The following ZNF43 variants were observed in gnomAD, a reference collection of about 807,000 sequenced individuals.
ZNF43 encodes the protein zinc finger protein 39-like 1 (KOX 27).
A neutral mutation model predicts 68.4 loss-of-function variants in ZNF43; 44 were observed. The ratio of observed to expected loss-of-function variants is 0.64; its 90% CI spans 0.51 to 0.83. The LOEUF (loss-of-function observed/expected upper bound fraction) is 0.83. Among genes scored for constraint, ZNF43 ranks in the 40% least tolerant of loss-of-function variants. The probability of loss-of-function intolerance (pLI) is 0.00; values close to 1 mark genes in which losing one functional copy is unlikely to be tolerated. For synonymous variants in ZNF43, 308 were observed against 307.8 expected (o/e 1.00, Z -0.01); for missense variants, 896 against 933.2 (o/e 0.96, Z 0.52).
intron 1 of ZNF43, among the ~76,000 whole-genome samples, chr19:21,827,506 C>T (rs918945393): frequency 2.6e-5 from 4 of 151,570 alleles, no homozygotes; most frequent in Admixed American, 1.3e-4. Flanking sequence ...GGATTACAGG[C>T]ATGCACCACC....
chr19:21,820,215 TA>T (rs1287836459), intron 1 of ZNF43, among the ~76,000 whole-genome samples: 30 of 137,812 alleles, frequency 2.2e-4, no homozygotes, highest in African/African-American at 9.0e-4. Flanking sequence ...ATAATAATAA[TA>T]ATATATATAT....
chr19:21,808,911 C>G lies in ZNF43; in HGVS notation c.1126G>C (p.Gly376Arg), dbSNP rs780829847. The change falls in exon 4 of 4, where the codon GGT (glycine) becomes CGT (arginine). Residue 376 changes from glycine (G) to arginine (R), a missense_variant. Gly to Arg is a moderately radical substitution (Grantham distance 125). Coordinates refer to ENST00000354959, the MANE Select transcript of ZNF43 (RefSeq NM_003423.4). ...AEKFYKCTEC[G>R]EAFSRSSNLT... ...TTTGAGGACCGGCTAAAAGCTTCAC[C>G]ACATTCTGTACATTTATAGAATTTC... 4 of 1,613,570 alleles carry G rather than the reference C, an allele frequency of 2.5e-6. No individual in the cohort carries two copies. In the South Asian group the frequency reaches 4.4e-5, roughly 18 times the overall value.
chr19:21,810,011 G>C (rs562685917), intron 3 of ZNF43, among the ~76,000 whole-genome samples: 4 of 152,162 alleles, frequency 2.6e-5, no homozygotes, highest in African/African-American at 9.6e-5. Context: ...TGTGTGCAGT[G>C]CCCCAGGTGA....
chr19:21,848,494 C>T (rs773551373), intron 1 of ZNF43, among the ~76,000 whole-genome samples: 12 of 152,080 alleles, frequency 7.9e-5, no homozygotes, highest in Non-Finnish European at 1.5e-4. Flanking sequence ...TATGGCACAA[C>T]ATGTAGGGCA....
At chr19:21,843,351 T>C (rs1412189208) in intron 1 of ZNF43, 20 of 985,114 alleles carry the variant, frequency 2.0e-5, no homozygotes, top group African/African-American at 7.0e-5. Context: ...AGAAATCAGA[T>C]AAAACAGTTC....
intron 1 of ZNF43, among the ~76,000 whole-genome samples, chr19:21,819,982 TG>T (rs552817559): frequency 6.6e-6 from 1 of 151,188 alleles, no homozygotes; most frequent in African/African-American, 2.4e-5. Context: ...GTGGATCACC[TG>T]AGGTCAGGAG....
At chr19:21,817,212 G>A (rs531633756) in intron 3 of ZNF43, among the ~76,000 whole-genome samples, 32 of 148,520 alleles carry the variant, frequency 2.2e-4, no homozygotes, top group African/African-American at 7.5e-4. Context: ...GACAGAGCAA[G>A]CCTCTGTCTT....
chr19:21,825,379 T>C (rs774689633), intron 1 of ZNF43, among the ~76,000 whole-genome samples: 40 of 152,226 alleles, frequency 2.6e-4, no homozygotes, highest in Non-Finnish European at 3.5e-4. Flanking sequence ...ATTAGTTTAG[T>C]TTATAGCTAC....
chr19:21,808,297 G>A lies in ZNF43; in HGVS notation c.1740C>T (p.Asn580=), dbSNP rs1568339904. 2 of 1,613,192 alleles carry A rather than the reference G, an allele frequency of 1.2e-6. No individual in the cohort carries two copies. Among genetic ancestry groups the A allele is most frequent in the Non-Finnish European group, 8.5e-7 (1 of 1,179,790 alleles). The change falls in exon 4 of 4, where the codon AAC becomes AAT. Residue 580 remains asparagine, a synonymous_variant. Transcript: ENST00000354959. ...TATGAATTTTCTTATGTGTAGTAAG[G>A]TTTGAGGATTGGGTAAAAGCTTTGC... ...ECGKAFTQSS[N]LTTHKKIHTG...
intron 3 of ZNF43, among the ~76,000 whole-genome samples, chr19:21,810,813 G>A (rs1333629440): frequency 6.6e-6 from 1 of 152,066 alleles, no homozygotes; most frequent in Non-Finnish European, 1.5e-5. Context: ...AGCCAGGGAT[G>A]GTAGTGCATG....
chr19:21,833,897 C>T (rs1349751998), intron 1 of ZNF43, among the ~76,000 whole-genome samples: 4 of 151,808 alleles, frequency 2.6e-5, no homozygotes, highest in Admixed American at 2.6e-4. Context: ...CGTGGTAGTG[C>T]ATCCCTGTAG....
intron 1 of ZNF43, among the ~76,000 whole-genome samples, chr19:21,834,696 T>A (rs1028740372): frequency 6.7e-6 from 1 of 149,424 alleles, no homozygotes; most frequent in Non-Finnish European, 1.5e-5. Flanking sequence ...GAGGTTGCAA[T>A]GAGCTGAGAT....
intron 1 of ZNF43, among the ~76,000 whole-genome samples, chr19:21,846,554 C>T (rs1967967477): frequency 6.6e-6 from 1 of 152,050 alleles, no homozygotes; most frequent in African/African-American, 2.4e-5. Context: ...AGGCAGGAAA[C>T]TCACATCACT....
At chr19:21,812,481 C>A (rs1165668332) in intron 3 of ZNF43, among the ~76,000 whole-genome samples, 1 of 151,464 alleles carries the variant, frequency 6.6e-6, no homozygotes, top group Non-Finnish European at 1.5e-5. Flanking sequence ...AATAATTGAA[C>A]TAAATTTTTA....
chr19:21,810,750 C>T (rs1417125223), intron 3 of ZNF43, among the ~76,000 whole-genome samples: 1 of 151,976 alleles, frequency 6.6e-6, no homozygotes, highest in Non-Finnish European at 1.5e-5. Context: ...AAGTTTGAGA[C>T]CAGCCAGGGC....
intron 3 of ZNF43, among the ~76,000 whole-genome samples, chr19:21,814,234 CAT>C (rs2037414033): frequency 6.6e-6 from 1 of 151,876 alleles, no homozygotes; most frequent in Non-Finnish European, 1.5e-5. Context: ...TCATTAAACA[CAT>C]GGTGAAAATA....
chr19:21,827,377 T>TC (rs1311584307), intron 1 of ZNF43: 30 of 152,164 alleles, frequency 2.0e-4, no homozygotes, highest in Admixed American at 2.0e-3. Flanking sequence ...TTTTTTTTTT[T>TC]TGAAATGAAG....
rs537134583 is a variant in ZNF43 at position 21,819,280 on chromosome 19, G to A, written c.4-59C>T. The A allele has an allele frequency of 1.2e-5, 18 of 1,482,248 alleles. No homozygotes were observed. In the African/African-American group the frequency reaches 2.6e-4, roughly 21 times the overall value. 91.8% of individuals were successfully genotyped at this position (1,482,248 alleles called of 1,614,324 possible). On this transcript the variant is annotated intron_variant, in intron 1 of 3. Coordinates refer to ENST00000354959, the MANE Select transcript of ZNF43 (RefSeq NM_003423.4). ...CACATTTACCAAGTGGCCACAGGCA[G>A]AATTTATAATTTGACTCAAGGTAAA... is the stretch of plus-strand genomic sequence containing the variant.
rs2145355797 is a variant in ZNF43, at chr19:21,836,103, G to A, written c.-65C>T. 1.2e-6 allele frequency: 2 copies of A among 1,611,790 alleles called. No homozygotes were observed. Among genetic ancestry groups the A allele is most frequent in the South Asian group, 1.1e-5 (1 of 90,958 alleles). On this transcript the variant is annotated 5_prime_UTR_variant, in exon 1 of 4. Transcript: ENST00000354959. Reference sequence around the variant, plus strand: ...TCCCCCAATACCCGCAGGTCACAGAGCCACAGAGGCTGGACCTCTAGCAGC... The same window carrying A: ...TCCCCCAATACCCGCAGGTCACAGAACCACAGAGGCTGGACCTCTAGCAGC...
Sources: gnomAD v4.1 joint callset for allele counts (sites outside exome capture counted in the v4.1 genomes callset) on GRCh38, gnomAD v4.1.1 for gene constraint, MANE v1.5 for transcripts, NCBI Gene and HGNC (gene_info 2026-07-23, HGNC 2026-07-21) for gene names.